SEC24A: variants seen among roughly 807,000 people sequenced by gnomAD.
The protein encoded by SEC24A is SEC24 homolog A, COPII component.
SEC24A carries 93 observed loss-of-function variants against 129.4 expected under a neutral mutation model. The ratio of observed to expected loss-of-function variants is 0.72; its 90% confidence interval spans 0.61 to 0.85. The LOEUF (loss-of-function observed/expected upper bound fraction) is 0.85. Among genes scored for constraint, SEC24A ranks in the 40% least tolerant of loss-of-function variants. The probability of loss-of-function intolerance (pLI) is 0.00; values close to 1 mark genes in which losing one functional copy is unlikely to be tolerated. For missense variants in SEC24A, 1,264 were observed against 1,307.4 expected (o/e 0.97, Z 0.51); for synonymous variants, 460 against 467.3 (o/e 0.98, Z 0.20).
At chr5:134,685,761 C>T (rs1751430159) in intron 9 of SEC24A, among the ~76,000 whole-genome samples, 1 of 151,956 alleles carries the variant, frequency 6.6e-6, no homozygotes, top group Admixed American at 6.6e-5. Flanking sequence ...CGAAGGCGGG[C>T]GGATCACATG....
intron 4 of SEC24A, 130 bp downstream of exon 4, chr5:134,672,016 C>CTTAT (rs1299053085): frequency 8.2e-6 from 5 of 612,116 alleles, no homozygotes; most frequent in Non-Finnish European, 1.4e-5. Flanking sequence ...ATACTATTAA[C>CTTAT]TTATTTATTT....
intron 5 of SEC24A, 98 bp downstream of exon 5, chr5:134,674,873 A>G: frequency 2.5e-6 from 3 of 1,179,100 alleles, no homozygotes; most frequent in Non-Finnish European, 3.5e-6. Context: ...ACATTTTTAT[A>G]ACCATTTAGA....
intron 18 of SEC24A, among the ~76,000 whole-genome samples, chr5:134,711,908 C>T (rs1444338100): frequency 7.2e-5 from 11 of 152,066 alleles, no homozygotes; most frequent in East Asian, 1.9e-4. Flanking sequence ...CTACCACGCC[C>T]GGCTAATTTT....
chr5:134,665,593 G>T (rs1200402239), intron 2 of SEC24A, among the ~76,000 whole-genome samples: 10 of 151,494 alleles, frequency 6.6e-5, no homozygotes, highest in Admixed American at 4.6e-4. Flanking sequence ...TCTCGCTCTT[G>T]TTGCCCAGGC....
chr5:134,648,810 C>G lies in SEC24A; in HGVS notation c.-267C>G. 3.2e-6 allele frequency: 1 copy of G among 316,818 alleles called. No individual in the cohort carries two copies. Among genetic ancestry groups the G allele is most frequent in the Non-Finnish European group, 5.9e-6 (1 of 170,776 alleles). 19.6% of individuals were successfully genotyped at this position (316,818 alleles called of 1,614,324 possible). On this transcript the variant is annotated 5_prime_UTR_variant, in exon 1 of 23. Transcript: ENST00000398844. ...ACTTCCGGCCAGGGCCTCCCTCCTT[C>G]TCTCTAGGTTTGGCTGCCGCCTTCT...
At chr5:134,651,660 C>T (rs1750055255) in intron 1 of SEC24A, among the ~76,000 whole-genome samples, 1 of 151,724 alleles carries the variant, frequency 6.6e-6, no homozygotes, top group East Asian at 1.9e-4. Flanking sequence ...AGATGAGTCT[C>T]TCTATGTTGC....
chr5:134,722,579 C>T (rs879579598), intron 21 of SEC24A, among the ~76,000 whole-genome samples: 1 of 151,680 alleles, frequency 6.6e-6, no homozygotes, highest in Non-Finnish European at 1.5e-5. Context: ...GCAACAAGAG[C>T]GAAACTCTGT....
Position 134,666,872 on chromosome 5 carries a change from A to C in SEC24A, c.615A>C (p.Gln205His). 6.2e-7 allele frequency: 1 copy of C among 1,613,954 alleles called. No individual in the cohort carries two copies. Among genetic ancestry groups the C allele is most frequent in the Non-Finnish European group, 8.5e-7 (1 of 1,179,970 alleles). ...ATCCACCTCTGCCTACAACTTTTCA[A>C]CCAGGAGCTCCTCATGGGCCCCCTC... The part of the protein sequence containing the change: ...LVNPPLPTTF[Q>H]PGAPHGPPPA... Residue 205 changes from glutamine to histidine, a missense_variant, in exon 3 of 23, where the codon CAA becomes CAC. Gln to His is a conservative substitution (Grantham distance 24, BLOSUM62 0). Transcript: ENST00000398844.
At chr5:134,721,910 T>C (rs1488438992) in intron 21 of SEC24A, among the ~76,000 whole-genome samples, 2 of 152,170 alleles carry the variant, frequency 1.3e-5, no homozygotes, top group Non-Finnish European at 2.9e-5. Flanking sequence ...GTCAGGATTA[T>C]AGCTAGGATA....
chr5:134,657,182 G>GCACACACACACACACACA (rs70976550), intron 1 of SEC24A, among the ~76,000 whole-genome samples: 336 of 136,294 alleles, frequency 2.5e-3, no homozygotes, highest in African/African-American at 5.9e-3. Flanking sequence ...TCTGAAAAAC[G>GCACACACACACACACACA]CACACACACA....
intron 1 of SEC24A, among the ~76,000 whole-genome samples, chr5:134,654,436 G>A (rs1750171824): frequency 6.6e-6 from 1 of 152,122 alleles, no homozygotes; most frequent in South Asian, 2.1e-4. Flanking sequence ...TGGACAGGGT[G>A]GTCTCAATTT....
At chr5:134,702,953 C>G (rs1242308863) in intron 15 of SEC24A, among the ~76,000 whole-genome samples, 5 of 151,880 alleles carry the variant, frequency 3.3e-5, no homozygotes. Context: ...TTAGTAGAGA[C>G]AGGATTTCAC....
rs963984763 is a variant in SEC24A, at chr5:134,726,648, A to C, written c.*1554A>C. The stretch of plus-strand genomic sequence containing the variant: ...TTGGTTTGCAGTGTGTAAGTGGCAC[A>C]TTGAACTGGAAGTTTTCTTGAAAGC... On this transcript the variant is annotated 3_prime_UTR_variant, in exon 23 of 23. Coordinates refer to ENST00000398844, the MANE Select transcript of SEC24A (RefSeq NM_021982.3). 3.9e-5 allele frequency: 6 copies of C among 152,330 alleles called. No individual in the cohort carries two copies. Among genetic ancestry groups the C allele is most frequent in the African/African-American group, 1.2e-4 (5 of 41,462 alleles). The allele number at this position is 152,330 out of a possible 1,614,324, so 9.4% of individuals were successfully genotyped here.
intron 1 of SEC24A, among the ~76,000 whole-genome samples, chr5:134,660,054 G>T (rs1017734499): frequency 6.6e-6 from 1 of 151,972 alleles, no homozygotes; most frequent in Non-Finnish European, 1.5e-5. Flanking sequence ...CACCTCTTTA[G>T]CGTATTAGCT....
chr5:134,706,646 C>G (rs539091042), intron 17 of SEC24A, among the ~76,000 whole-genome samples: 8 of 151,812 alleles, frequency 5.3e-5, no homozygotes, highest in African/African-American at 1.9e-4. Context: ...ATTACAGGCC[C>G]ACACCACCAC....
intron 11 of SEC24A, among the ~76,000 whole-genome samples, chr5:134,692,114 C>G (rs1390769477): frequency 7.1e-6 from 1 of 141,610 alleles, no homozygotes. Flanking sequence ...CCTGGGAGTG[C>G]AGTGGTGCAA....
At chr5:134,675,852 C>T (rs1751040647) in intron 6 of SEC24A, among the ~76,000 whole-genome samples, 171 bp from the exon 7 acceptor site, 1 of 152,168 alleles carries the variant, frequency 6.6e-6, no homozygotes, top group African/African-American at 2.4e-5. Flanking sequence ...TCTATTTCTG[C>T]ATAGGACTTA....
intron 1 of SEC24A, among the ~76,000 whole-genome samples, chr5:134,650,429 T>C (rs72800309): frequency 1.3e-5 from 2 of 152,304 alleles, no homozygotes; most frequent in Non-Finnish European, 2.9e-5. Flanking sequence ...ATGAGTGTAG[T>C]TGTCATAATA....
intron 9 of SEC24A, among the ~76,000 whole-genome samples, chr5:134,686,486 C>T (rs772142924): frequency 6.6e-6 from 1 of 152,334 alleles, no homozygotes; most frequent in Middle Eastern, 3.4e-3. Context: ...ATCTGCCCGC[C>T]TTGGCCTCCC....
Sources: gnomAD v4.1 joint callset for allele counts (sites outside exome capture counted in the v4.1 genomes callset) on GRCh38, gnomAD v4.1.1 for gene constraint, MANE v1.5 for transcripts, NCBI Gene and HGNC (gene_info 2026-07-23, HGNC 2026-07-21) for gene names.